The following LRRC9 variants were observed in gnomAD, a reference collection of about 807,000 sequenced individuals.
The protein encoded by LRRC9 is leucine-rich repeat-containing protein 9.
LRRC9 carries 122 observed loss-of-function variants against 63.2 expected under a neutral mutation model. The ratio of observed to expected loss-of-function variants is 1.93; its 90% CI spans 1.67 to 2.24. The LOEUF is 2.24. LRRC9 is among the 30% of genes most tolerant of loss of function. LRRC9 has a pLI of 0.00. For missense variants in LRRC9, 1,071 were observed against 627.7 expected, an observed-to-expected ratio of 1.71 and a Z score of -7.55; for synonymous variants, 366 against 213.1, an observed-to-expected ratio of 1.72 and a Z score of -6.25.
At position 60,053,316 on chromosome 14, in the gene LRRC9, T is replaced by A. The variant is rs1163675528; in HGVS notation, c.4131+111T>A. The A allele has an allele frequency of 1.7e-6, 1 of 595,204 alleles. No individual in the cohort carries two copies. The highest frequency in any genetic ancestry group is 1.9e-5 in the African/African-American group (1 of 53,858). The allele number at this position is 595,204 out of a possible 1,614,324, so 36.9% of individuals were successfully genotyped here. ...AAACCTATGGCGTTTTTGATAAGGA[T>A]GATCTTAGTATCTATTTAGTGATTA... is the stretch of plus-strand genomic sequence containing the variant. On this transcript the variant is annotated intron_variant, in intron 30 of 31. Transcript: ENST00000445360. The surrounding 1 kb of genome is among the most constrained non-coding windows in gnomAD (Gnocchi z 4.8).
rs1881837745 is a variant in LRRC9 at position 59,942,139 on chromosome 14, G to C, written c.727-2450G>C. On this transcript the variant is annotated intron_variant, in intron 7 of 31. Transcript: ENST00000445360. The surrounding 1 kb of genome is among the most constrained non-coding windows in gnomAD (Gnocchi z 5.3). Reference sequence around the variant, plus strand: ...TCAACCATGTTGCCACAAATGACAGGATTTAATTCTTTTTTATGGTTAAAT... The same window carrying C: ...TCAACCATGTTGCCACAAATGACAGCATTTAATTCTTTTTTATGGTTAAAT... Among the ~76,000 whole-genome samples the C allele has an allele frequency of 6.6e-6, 1 of 152,028 alleles. No homozygotes were observed. The highest frequency in any genetic ancestry group is 2.4e-5 in the African/African-American group (1 of 41,392).
intron 17 of LRRC9, among the ~76,000 whole-genome samples, chr14:59,992,587 G>C (rs2140157090): frequency 6.6e-6 from 1 of 152,256 alleles, no homozygotes; most frequent in East Asian, 1.9e-4. Flanking sequence ...TGGCTAACTA[G>C]AATAACCAAT....
intron 23 of LRRC9, among the ~76,000 whole-genome samples, chr14:60,015,339 G>A (rs1201009420): frequency 6.6e-6 from 1 of 152,094 alleles, no homozygotes; most frequent in East Asian, 1.9e-4. Context: ...TTGGTTCTTG[G>A]CATAACATAC....
rs1382613084 is a variant in LRRC9 at position 60,042,818 on chromosome 14, C to T, written c.3991-10247C>T. The stretch of plus-strand genomic sequence containing the variant: ...TGGAAATGCAGAAATCACCCATCTT[C>T]GGTGTCGCTCACACTGGGAGCTGTA... On this transcript the variant is annotated intron_variant, in intron 29 of 31. Coordinates refer to ENST00000445360, the Ensembl canonical transcript of LRRC9. The surrounding 1 kb of genome is among the most constrained non-coding windows in gnomAD (Gnocchi z 4.2). Among the ~76,000 whole-genome samples, 1 of 152,156 alleles carries T rather than the reference C, an allele frequency of 6.6e-6. No homozygotes were observed. Among genetic ancestry groups the T allele is most frequent in the Admixed American group, 6.5e-5 (1 of 15,272 alleles).
rs1459346847 is a variant in LRRC9, at chr14:60,051,296, CA to C, written c.3991-1767del. On this transcript the variant is annotated intron_variant, in intron 29 of 31. Transcript: ENST00000445360. This position sits in a 1 kb window ranked among gnomAD's most constrained non-coding sequence, Gnocchi z 4.7. ...GGCTGGAGTGACTCCAGGCCCCCCACAAGGGGGCCCCGCCCAGTGAGGAAGA... is the reference window on the plus strand; with the variant it reads ...GGCTGGAGTGACTCCAGGCCCCCCACAGGGGGCCCCGCCCAGTGAGGAAGA... Among the ~76,000 whole-genome samples the C allele has an allele frequency of 6.6e-6, 1 of 152,214 alleles. No individual in the cohort carries two copies. The highest frequency in any genetic ancestry group is 1.5e-5 in the Non-Finnish European group (1 of 68,022).
Position 59,966,447 on chromosome 14 carries a change from G to C in LRRC9, c.1212-142G>C. 1 of 422,796 alleles carries C rather than the reference G, an allele frequency of 2.4e-6. No homozygotes were observed. Among genetic ancestry groups the C allele is most frequent in the Non-Finnish European group, 4.2e-6 (1 of 239,552 alleles). 26.2% of individuals were successfully genotyped at this position (422,796 alleles called of 1,614,324 possible). The stretch of plus-strand genomic sequence containing the variant: ...TGTGCAATAAATGAATAAATAAACG[G>C]AGCCACTATATGATTACTGTATCTT... On this transcript the variant is annotated intron_variant, in intron 10 of 31. Transcript: ENST00000445360. The surrounding 1 kb of genome is among the most constrained non-coding windows in gnomAD (Gnocchi z 4.0).
At position 60,003,732 on chromosome 14, in the gene LRRC9, G is replaced by A. The variant is rs1053665451; in HGVS notation, c.2776G>A (p.Gly926Ser). The change falls in exon 21 of 32, where the codon GGT becomes AGT. Residue 926 changes from glycine to serine, a missense_variant. Coordinates refer to ENST00000445360, the Ensembl canonical transcript of LRRC9. This position sits in a 1 kb window ranked among gnomAD's most constrained non-coding sequence, Gnocchi z 4.2. ...CAATAATAATCTCACTAAAATGGAGGGTCTGGAATCCTGTATTAACTTGGA... is the reference window on the plus strand; with the variant it reads ...CAATAATAATCTCACTAAAATGGAGAGTCTGGAATCCTGTATTAACTTGGA... The A allele has an allele frequency of 2.0e-5, 14 of 692,182 alleles. No individual in the cohort carries two copies. The highest frequency in any genetic ancestry group is 8.3e-5 in the Admixed American group (4 of 48,028). 42.9% of individuals were successfully genotyped at this position (692,182 alleles called of 1,614,324 possible). A position where few individuals can be genotyped will look rare whatever the true frequency, so the allele number is the denominator to read the frequency against.
rs1891663489 is a variant in LRRC9, at chr14:60,027,620, A to G, written c.3704-264A>G. Among the ~76,000 whole-genome samples the G allele has an allele frequency of 6.6e-6, 1 of 152,118 alleles. No homozygotes were observed. The highest frequency in any genetic ancestry group is 2.4e-5 in the African/African-American group (1 of 41,456). On this transcript the variant is annotated intron_variant, in intron 27 of 31. Transcript: ENST00000445360. This position sits in a 1 kb window ranked among gnomAD's most constrained non-coding sequence, Gnocchi z 4.0. Reference sequence around the variant, plus strand: ...CTATTTTAACACTTAATTACCAAACAGACATATTAGATCAATTCAGTACAT... The same window carrying G: ...CTATTTTAACACTTAATTACCAAACGGACATATTAGATCAATTCAGTACAT...
In LRRC9 at chr14:60,062,894, AT is replaced by A. The variant is rs67053505; in HGVS notation, c.4277-415del. 2.2e-3 allele frequency among the ~76,000 whole-genome samples: 318 copies of A among 145,582 alleles called. 1 individual carries two copies. The highest frequency in any genetic ancestry group is 0.018 in the Middle Eastern group (5 of 280). On this transcript the variant is annotated intron_variant, in intron 31 of 31. Coordinates refer to ENST00000445360, the Ensembl canonical transcript of LRRC9. ...AGCCATGTCCCACTGAGTCCACAGT[AT>A]TTTTTTTTTTTTTGAGACAGAGTTT...
At chr14:60,015,421 G>C (rs573887461) in intron 23 of LRRC9, among the ~76,000 whole-genome samples, 1 of 152,100 alleles carries the variant, frequency 6.6e-6, no homozygotes, top group African/African-American at 2.4e-5. Flanking sequence ...AGCCTCCCTT[G>C]GCACTATACC....
chr14:60,032,542 A>T (rs1199098625), intron 29 of LRRC9, among the ~76,000 whole-genome samples: 1 of 152,172 alleles, frequency 6.6e-6, no homozygotes, highest in Non-Finnish European at 1.5e-5. Context: ...TTCAATTTAT[A>T]AATTAGTTTG....
intron 17 of LRRC9, among the ~76,000 whole-genome samples, chr14:59,987,273 T>C (rs1887571323): frequency 6.6e-6 from 1 of 151,326 alleles, no homozygotes; most frequent in Admixed American, 6.6e-5. Context: ...GCACAATAGT[T>C]TGGTTTTGCC....
intron 23 of LRRC9, among the ~76,000 whole-genome samples, chr14:60,010,807 A>T (rs182410528): frequency 7.9e-5 from 12 of 152,298 alleles, no homozygotes; most frequent in Non-Finnish European, 1.5e-5. Context: ...TTTGCATAGC[A>T]AGAGTGATCT....
Position 59,942,703 on chromosome 14 carries a change from G to A in LRRC9, c.727-1886G>A, listed in dbSNP as rs756395851. Among the ~76,000 whole-genome samples, 1 of 152,148 alleles carries A rather than the reference G, an allele frequency of 6.6e-6. No homozygotes were observed. Among genetic ancestry groups the A allele is most frequent in the Non-Finnish European group, 1.5e-5 (1 of 68,022 alleles). ...ATATCACACCACTGCACTTCAGCCT[G>A]GGTGACAGAGTGAGACTCCGTCTCA... On this transcript the variant is annotated intron_variant, in intron 7 of 31. Transcript: ENST00000445360. This position sits in a 1 kb window ranked among gnomAD's most constrained non-coding sequence, Gnocchi z 5.3.
chr14:59,954,649 A>AT (rs1219052325), intron 8 of LRRC9, among the ~76,000 whole-genome samples: 1 of 152,044 alleles, frequency 6.6e-6, no homozygotes, highest in Non-Finnish European at 1.5e-5. Flanking sequence ...AATACACTTT[A>AT]TTTTTTTCTC....
intron 6 of LRRC9, among the ~76,000 whole-genome samples, chr14:59,937,800 G>A (rs1233408529): frequency 3.3e-5 from 5 of 152,114 alleles, no homozygotes; most frequent in East Asian, 1.9e-4. Context: ...CTCATCCATA[G>A]GTTGTGAGAA....
intron 17 of LRRC9, among the ~76,000 whole-genome samples, chr14:59,991,067 C>T (rs1888037325): frequency 1.3e-5 from 2 of 152,150 alleles, no homozygotes; most frequent in Non-Finnish European, 1.5e-5. Context: ...CTTCTGTTGC[C>T]TCTGCCTCTA....
At chr14:59,974,346 A>T (rs1214092686) in intron 12 of LRRC9, among the ~76,000 whole-genome samples, 1 of 152,116 alleles carries the variant, frequency 6.6e-6, no homozygotes, top group Non-Finnish European at 1.5e-5. Context: ...TTCCAGGAAC[A>T]ATTTTTGTTC....
At chr14:59,952,196 C>G (rs533838694) in intron 8 of LRRC9, among the ~76,000 whole-genome samples, 73 of 151,884 alleles carry the variant, frequency 4.8e-4, no homozygotes, top group African/African-American at 1.6e-3. Context: ...GGGATATAGT[C>G]TCGTGGTGCG....
Sources: allele counts gnomAD v4.1 joint callset (sites outside exome capture counted in the v4.1 genomes callset), GRCh38; gene constraint gnomAD v4.1.1; non-coding constraint Gnocchi (gnomAD v3.1); transcripts MANE v1.5; gene names NCBI Gene and HGNC (gene_info 2026-07-23, HGNC 2026-07-21).